The following NDUFB5 variants were observed in gnomAD, a reference collection of about 807,000 sequenced individuals.
The protein encoded by NDUFB5 is NADH dehydrogenase [ubiquinone] 1 beta subcomplex subunit 5, mitochondrial.
In NDUFB5, 19 loss-of-function variants were observed where a neutral mutation model predicts 19.4. That is an observed-to-expected ratio of 0.98 (90% CI 0.68 to 1.43). The LOEUF is 1.43. Ranked by LOEUF, NDUFB5 falls within the 40% of genes most tolerant of loss-of-function variation. The pLI is 0.00. For missense variants in NDUFB5, 233 were observed against 236.5 expected, an observed-to-expected ratio of 0.99 and a Z score of 0.10; for synonymous variants, 80 against 82.6, an observed-to-expected ratio of 0.97 and a Z score of 0.17.
intron 2 of NDUFB5, chr3:179,615,637 C>G (rs1330592542): frequency 2.1e-6 from 1 of 482,774 alleles, no homozygotes; most frequent in East Asian, 6.1e-5. Flanking sequence ...TCTGAATCAT[C>G]ATTTGAGTAC....
At chr3:179,612,815 C>G (rs1452840917) in intron 1 of NDUFB5, among the ~76,000 whole-genome samples, 2 of 152,170 alleles carry the variant, frequency 1.3e-5, no homozygotes, top group Non-Finnish European at 2.9e-5. Flanking sequence ...ACTGCAGTTA[C>G]TTTTGCACCA....
chr3:179,624,136 GC>G lies in NDUFB5; in HGVS notation c.*98del. ...TTTGCTCTCCGTGAAAAACAAAAGA[GC>G]CTCTGACATTACTGTCTCTCAGTGT... is the stretch of plus-strand genomic sequence containing the variant. On this transcript the variant is annotated 3_prime_UTR_variant, in exon 6 of 6. Coordinates refer to ENST00000259037, the MANE Select transcript of NDUFB5 (RefSeq NM_002492.4). 8.7e-7 allele frequency: 1 copy of G among 1,145,640 alleles called. No individual in the cohort carries two copies. The highest frequency in any genetic ancestry group is 1.7e-5 in the South Asian group (1 of 57,688). The allele number at this position is 1,145,640 out of a possible 1,614,324, so 71.0% of individuals were successfully genotyped here. A position where few individuals can be genotyped will look rare whatever the true frequency, so the allele number is the denominator to read the frequency against.
At chr3:179,614,382 G>A (rs145682908) in intron 1 of NDUFB5, among the ~76,000 whole-genome samples, 12 of 152,262 alleles carry the variant, frequency 7.9e-5, no homozygotes, top group African/African-American at 2.9e-4. Context: ...ATTCCTGCTG[G>A]TGATTTGTTG....
intron 5 of NDUFB5, among the ~76,000 whole-genome samples, chr3:179,620,772 T>C (rs959494689): frequency 3.3e-5 from 5 of 152,210 alleles, no homozygotes; most frequent in African/African-American, 7.2e-5. Flanking sequence ...TTCCCCCATA[T>C]TGTTTGCATA....
intron 1 of NDUFB5, among the ~76,000 whole-genome samples, chr3:179,607,512 G>T (rs1187051837): frequency 6.6e-6 from 1 of 152,182 alleles, no homozygotes; most frequent in African/African-American, 2.4e-5. Flanking sequence ...GCCTCAAAAG[G>T]TAGTTGTGAA....
rs765575700 is a variant in NDUFB5 at position 179,604,847 on chromosome 3, C to G, written c.32C>G (p.Ser11Trp). The change falls in exon 1 of 6, where the codon TCG becomes TGG. Residue 11 changes from serine to tryptophan, a missense_variant. By Grantham distance (177) the Ser-to-Trp change is radical. Transcript: ENST00000259037. MAAMSLLRRV[S>W]VTAVAALSGR... ...GCCATGAGTTTGTTGCGGCGGGTTTCGGTTACTGCGGTGGCAGCTCTGTCT... is the reference window on the plus strand; with the variant it reads ...GCCATGAGTTTGTTGCGGCGGGTTTGGGTTACTGCGGTGGCAGCTCTGTCT... The G allele has an allele frequency of 1.0e-5, 16 of 1,604,238 alleles. No homozygotes were observed. The highest frequency in any genetic ancestry group is 1.3e-5 in the Non-Finnish European group (15 of 1,177,512).
chr3:179,605,160 C>T (rs1169355832), intron 1 of NDUFB5, among the ~76,000 whole-genome samples: 2 of 152,066 alleles, frequency 1.3e-5, no homozygotes, highest in African/African-American at 4.8e-5. Flanking sequence ...TTGTTATTCA[C>T]CATCCCAATT....
chr3:179,606,125 TG>T (rs1340190208), intron 1 of NDUFB5, among the ~76,000 whole-genome samples: 1 of 152,170 alleles, frequency 6.6e-6, no homozygotes, highest in African/African-American at 2.4e-5. Context: ...TGGACCTCCT[TG>T]GAGACAGTGA....
rs1719398733 is a variant in NDUFB5, at chr3:179,617,019, T to A, written c.317T>A (p.Val106Asp). 6.2e-7 allele frequency: 1 copy of A among 1,612,726 alleles called. No individual in the cohort carries two copies. The highest frequency in any genetic ancestry group is 1.7e-5 in the Admixed American group (1 of 59,914). Residue 106 changes from valine to aspartate, a missense_variant, in exon 4 of 6, where the codon GTC becomes GAC. By Grantham distance (152) the Val-to-Asp change is radical (BLOSUM62 -3). Coordinates refer to ENST00000259037, the MANE Select transcript of NDUFB5 (RefSeq NM_002492.4). The part of the protein sequence containing the change: ...AELAEIPEGY[V>D]PEHWEYYKHP... Reference sequence around the variant, plus strand: ...CTAGCAGAAATTCCAGAAGGCTATGTCCCAGAACACTGGGAATATTATAAG... The same window carrying A: ...CTAGCAGAAATTCCAGAAGGCTATGACCCAGAACACTGGGAATATTATAAG...
Sources: gnomAD v4.1 joint callset for allele counts (sites outside exome capture counted in the v4.1 genomes callset) on GRCh38, gnomAD v4.1.1 for gene constraint, MANE v1.5 for transcripts, NCBI Gene and HGNC (gene_info 2026-07-23, HGNC 2026-07-21) for gene names.